Variants in SIPA1L3 observed in about 807,000 individuals in gnomAD.
The protein encoded by SIPA1L3 is signal induced proliferation associated 1 like 3.
Under a neutral mutation model 150.1 loss-of-function variants are expected in SIPA1L3, and 59 were observed. The ratio of observed to expected loss-of-function variants is 0.39; its 90% CI spans 0.32 to 0.49. The LOEUF (loss-of-function observed/expected upper bound fraction) is 0.49. Among genes scored for constraint, SIPA1L3 ranks in the 20% least tolerant of loss-of-function variants. The pLI is 0.86. For missense variants in SIPA1L3, 2,211 were observed against 2,489.5 expected (o/e 0.89, Z 2.38); for synonymous variants, 1,070 against 1,077.6 (o/e 0.99, Z 0.14).
At chr19:38,039,197 T>A (rs1473325540) in intron 2 of SIPA1L3, among the ~76,000 whole-genome samples, 1 of 152,230 alleles carries the variant, frequency 6.6e-6, no homozygotes, top group South Asian at 2.1e-4. Context: ...TTTCTGATTA[T>A]CAAAGTAATG....
rs953183490 is a variant in SIPA1L3, at chr19:38,207,951, G to A, written c.*1711G>A. The A allele has an allele frequency of 6.6e-6, 1 of 152,168 alleles. No homozygotes were observed. The highest frequency in any genetic ancestry group is 2.4e-5 in the African/African-American group (1 of 41,248). The allele number at this position is 152,168 out of a possible 1,614,324, so 9.4% of individuals were successfully genotyped here. A position where few individuals can be genotyped will look rare whatever the true frequency, so the allele number is the denominator to read the frequency against. ...GTCCTCAGCCCTGGCCAGCTACTGT[G>A]ATGCCATCTTCTCCCCCATCCCCTT... On this transcript the variant is annotated 3_prime_UTR_variant, in exon 22 of 22. Coordinates refer to ENST00000222345, the MANE Select transcript of SIPA1L3 (RefSeq NM_015073.3).
chr19:38,114,236 C>G (rs1970830831), intron 8 of SIPA1L3, among the ~76,000 whole-genome samples: 1 of 151,978 alleles, frequency 6.6e-6, no homozygotes, highest in African/African-American at 2.4e-5. Flanking sequence ...GCCTGACCAA[C>G]ATGGAGAAGC....
Position 38,056,950 on chromosome 19 carries a change from T to A in SIPA1L3, c.-310-24306T>A, listed in dbSNP as rs529051038. ...GGTACACACCTGTATTCTCAGCTACTGACAGAATGAGACCCTGTCGTTAAA... is the reference window on the plus strand; with the variant it reads ...GGTACACACCTGTATTCTCAGCTACAGACAGAATGAGACCCTGTCGTTAAA... On this transcript the variant is annotated intron_variant, in intron 2 of 21. Transcript: ENST00000222345. 3.3e-5 allele frequency among the ~76,000 whole-genome samples: 5 copies of A among 152,170 alleles called. No individual in the cohort carries two copies. In the South Asian group the frequency reaches 1.0e-3, roughly 32 times the overall value.
At chr19:38,185,116 C>G (rs1186346580) in intron 16 of SIPA1L3, 1 of 152,462 alleles carries the variant, frequency 6.6e-6, no homozygotes, top group East Asian at 1.9e-4. Flanking sequence ...AGGACTCGCT[C>G]TAATGCCACC....
intron 1 of SIPA1L3, among the ~76,000 whole-genome samples, chr19:37,995,863 C>A (rs867586705): frequency 6.6e-6 from 1 of 152,112 alleles, no homozygotes; most frequent in Non-Finnish European, 1.5e-5. Flanking sequence ...AGGCTGGAGT[C>A]GGGCAGATCC....
chr19:38,191,737 A>G (rs917710554), intron 16 of SIPA1L3, among the ~76,000 whole-genome samples: 4 of 80,494 alleles, frequency 5.0e-5, no homozygotes, highest in African/African-American at 3.5e-4. Flanking sequence ...GCTTGAACCC[A>G]GGGGCAGAGG....
intron 9 of SIPA1L3, among the ~76,000 whole-genome samples, chr19:38,121,806 A>C (rs1355954228): frequency 6.6e-6 from 1 of 152,062 alleles, no homozygotes; most frequent in Non-Finnish European, 1.5e-5. Context: ...TGTGGCCTCA[A>C]CTATTCAGGA....
intron 13 of SIPA1L3, among the ~76,000 whole-genome samples, chr19:38,159,778 G>A (rs1194420291): frequency 2.0e-5 from 3 of 152,204 alleles, no homozygotes; most frequent in Non-Finnish European, 4.4e-5. Context: ...CTGGGAGGAC[G>A]CAGCAGGGTA....
At chr19:38,001,179 GCT>G (rs1293887359) in intron 1 of SIPA1L3, among the ~76,000 whole-genome samples, 1 of 151,644 alleles carries the variant, frequency 6.6e-6, no homozygotes, top group Non-Finnish European at 1.5e-5. Flanking sequence ...TCAGAATAAA[GCT>G]CTCTGCTTAA....
intron 1 of SIPA1L3, among the ~76,000 whole-genome samples, chr19:38,020,310 C>T (rs558246998): frequency 1.3e-5 from 2 of 151,518 alleles, no homozygotes; most frequent in African/African-American, 2.4e-5. Flanking sequence ...TTTTTTTTTC[C>T]GTTCATTCTT....
chr19:38,128,379 C>T (rs553894689), intron 9 of SIPA1L3, among the ~76,000 whole-genome samples: 7 of 152,196 alleles, frequency 4.6e-5, no homozygotes, highest in Admixed American at 2.0e-4. Flanking sequence ...AAATTCTCGC[C>T]GTCCAAATCA....
At chr19:38,087,584 C>T (rs1243536385) in intron 3 of SIPA1L3, among the ~76,000 whole-genome samples, 1 of 152,048 alleles carries the variant, frequency 6.6e-6, no homozygotes, top group Non-Finnish European at 1.5e-5. Flanking sequence ...TTGGGTTATA[C>T]ATCAGGAAGA....
intron 1 of SIPA1L3, chr19:37,963,980 A>G (rs1188171144): frequency 6.6e-6 from 1 of 152,164 alleles, no homozygotes; most frequent in African/African-American, 2.4e-5. Context: ...GCAAACATAT[A>G]AGAAGTGGAG....
Position 38,046,683 on chromosome 19 carries a change from C to A in SIPA1L3, c.-311+17527C>A, listed in dbSNP as rs1969066755. Among the ~76,000 whole-genome samples, 1 of 152,208 alleles carries A rather than the reference C, an allele frequency of 6.6e-6. No individual in the cohort carries two copies. ...CAGCCTGGGGATGCTGCTGGATTTTCCGGGTGTGGAGGGGCCCAGGTCCCC... is the reference window on the plus strand; with the variant it reads ...CAGCCTGGGGATGCTGCTGGATTTTACGGGTGTGGAGGGGCCCAGGTCCCC... On this transcript the variant is annotated intron_variant, in intron 2 of 21. Transcript: ENST00000222345. The surrounding 1 kb of genome is among the most constrained non-coding windows in gnomAD (Gnocchi z 5.6).
intron 18 of SIPA1L3, among the ~76,000 whole-genome samples, chr19:38,195,875 C>T (rs984559676): frequency 1.4e-5 from 2 of 146,374 alleles, no homozygotes; most frequent in South Asian, 2.3e-4. Flanking sequence ...CCTGAGCTGT[C>T]ACTAGATGAG....
intron 1 of SIPA1L3, among the ~76,000 whole-genome samples, chr19:37,983,492 A>G (rs917818023): frequency 1.3e-5 from 2 of 152,048 alleles, no homozygotes; most frequent in Non-Finnish European, 2.9e-5. Context: ...GGCACCGTGC[A>G]GTAGCGTTGA....
In SIPA1L3 at chr19:38,194,103, C is replaced by T. The variant is rs553540252; in HGVS notation, c.4840+323C>T. ...GGAATGGGGCTGCCCAGCTGTTGCCCTAGCACCCCCCAACCCTCCCACCCA... is the reference window on the plus strand; with the variant it reads ...GGAATGGGGCTGCCCAGCTGTTGCCTTAGCACCCCCCAACCCTCCCACCCA... On this transcript the variant is annotated intron_variant, in intron 18 of 21. Transcript: ENST00000222345. 3.3e-5 allele frequency among the ~76,000 whole-genome samples: 5 copies of T among 152,240 alleles called. No homozygotes were observed. In the South Asian group the frequency reaches 1.0e-3, roughly 32 times the overall value.
At chr19:38,157,024 T>G (rs1416414615) in intron 13 of SIPA1L3, among the ~76,000 whole-genome samples, 1 of 151,556 alleles carries the variant, frequency 6.6e-6, no homozygotes, top group Non-Finnish European at 1.5e-5. Flanking sequence ...TATAGCTAGG[T>G]GTGGCAGTGC....
At chr19:38,052,271 C>T (rs149440767) in intron 2 of SIPA1L3, among the ~76,000 whole-genome samples, 57 of 152,136 alleles carry the variant, frequency 3.7e-4, no homozygotes, top group Admixed American at 6.6e-4. Flanking sequence ...GGTATTTTAG[C>T]GGAAGGAATT....
Sources: allele counts gnomAD v4.1 joint callset (sites outside exome capture counted in the v4.1 genomes callset), GRCh38; gene constraint gnomAD v4.1.1; non-coding constraint Gnocchi (gnomAD v3.1); transcripts MANE v1.5; gene names NCBI Gene and HGNC (gene_info 2026-07-23, HGNC 2026-07-21).